DPP6: variants seen among roughly 807,000 people sequenced by gnomAD.
DPP6 encodes A-type potassium channel modulatory protein DPP6.
Under a neutral mutation model 122.6 loss-of-function variants are expected in DPP6, and 69 were observed. That is an observed-to-expected ratio of 0.56 (90% confidence interval 0.46 to 0.69). The LOEUF is 0.69. Among genes scored for constraint, DPP6 ranks in the 30% least tolerant of loss-of-function variants. The pLI, the probability that DPP6 is intolerant of heterozygous loss-of-function variation, is 0.00. For missense variants in DPP6, 928 were observed against 1,116.9 expected, an observed-to-expected ratio of 0.83 and a Z score of 2.41; for synonymous variants, 418 against 433.1, an observed-to-expected ratio of 0.97 and a Z score of 0.43.
intron 6 of DPP6, among the ~76,000 whole-genome samples, chr7:154,641,684 T>A (rs926646297): frequency 6.6e-6 from 1 of 152,230 alleles, no homozygotes; most frequent in Non-Finnish European, 1.5e-5. Context: ...AATAATATAT[T>A]TCTAAAATGT....
intron 1 of DPP6, among the ~76,000 whole-genome samples, chr7:154,023,317 T>TGCACGCACAC (rs3059905): frequency 6.6e-4 from 27 of 40,976 alleles, no homozygotes; most frequent in South Asian, 3.5e-3. Flanking sequence ...GTTTCTTGTC[T>TGCACGCACAC]GCACACACAC....
chr7:154,318,864 C>A (rs2151013638), intron 1 of DPP6, among the ~76,000 whole-genome samples: 1 of 152,276 alleles, frequency 6.6e-6, no homozygotes. Context: ...GAGAACCTGG[C>A]CATTCGAGGG....
At chr7:154,535,278 A>G (rs1828147582) in intron 3 of DPP6, among the ~76,000 whole-genome samples, 1 of 152,222 alleles carries the variant, frequency 6.6e-6, no homozygotes, top group African/African-American at 2.4e-5. Context: ...TCTAAAAGAA[A>G]ACATGAGATA....
intron 1 of DPP6, among the ~76,000 whole-genome samples, chr7:154,193,455 C>T (rs1412891083): frequency 6.6e-6 from 1 of 152,094 alleles, no homozygotes; most frequent in Non-Finnish European, 1.5e-5. Context: ...TTTATGGAAG[C>T]CTGGAATGAT....
At chr7:154,811,313 G>A (rs6979278) in intron 16 of DPP6, among the ~76,000 whole-genome samples, 152,360 of 152,360 alleles carry the variant, frequency 1, 76,180 homozygotes, top group Non-Finnish European at 1. Flanking sequence ...TAACTGACCT[G>A]GCAGACCCTG....
chr7:154,769,355 G>A lies in DPP6; in HGVS notation c.884-62G>A, dbSNP rs1796095415. 4.4e-6 allele frequency: 7 copies of A among 1,601,666 alleles called. No homozygotes were observed. The South Asian group carries it at 5.5e-5, about 13-fold the overall frequency. On this transcript the variant is annotated intron_variant, in intron 8 of 25. Coordinates refer to ENST00000377770, the MANE Select transcript of DPP6 (RefSeq NM_130797.4). ...TCCTGGCCACCTCATGTTCCTGCTG[G>A]TGCAGCTCCAATTTCCACTCACTTG...
intron 10 of DPP6, among the ~76,000 whole-genome samples, chr7:154,778,986 A>G (rs1239406927): frequency 2.1e-5 from 3 of 140,634 alleles, no homozygotes; most frequent in Admixed American, 7.0e-5. Context: ...CATCACCTCC[A>G]TCACCTCCAC....
chr7:153,766,473 G>A, the DPP6 span, among the ~76,000 whole-genome samples: 1 of 152,024 alleles, frequency 6.6e-6, no homozygotes, highest in South Asian at 2.1e-4. Flanking sequence ...GTTTTTGTTT[G>A]TGCCTGTATT....
At chr7:154,316,556 G>C (rs147208425) in intron 1 of DPP6, among the ~76,000 whole-genome samples, 2 of 152,290 alleles carry the variant, frequency 1.3e-5, no homozygotes, top group Non-Finnish European at 2.9e-5. Context: ...AAGCAGACTT[G>C]AACAATTGGG....
At chr7:154,433,333 TTG>T (rs71843541) in intron 1 of DPP6, among the ~76,000 whole-genome samples, 100,164 of 142,164 alleles carry the variant, frequency 0.7, 34,166 homozygotes, top group East Asian at 0.79. Flanking sequence ...TGCATTTTTT[TTG>T]TTTTTGTTTT....
intron 8 of DPP6, among the ~76,000 whole-genome samples, chr7:154,729,443 T>A (rs1287689996): frequency 6.6e-6 from 1 of 152,250 alleles, no homozygotes; most frequent in Non-Finnish European, 1.5e-5. Flanking sequence ...CATAAAGTTC[T>A]ATGACTTGAT....
intron 4 of DPP6, among the ~76,000 whole-genome samples, chr7:154,555,484 G>T (rs916266018): frequency 2.0e-5 from 3 of 151,928 alleles, no homozygotes; most frequent in Non-Finnish European, 4.4e-5. Context: ...GGGAAGGGGG[G>T]ACGGATAGCA....
intron 1 of DPP6, among the ~76,000 whole-genome samples, chr7:154,385,711 T>G (rs1814047624): frequency 1.3e-5 from 2 of 152,220 alleles, no homozygotes; most frequent in African/African-American, 4.8e-5. Context: ...TGATGGCACC[T>G]GTGTACGGAT....
intron 21 of DPP6, chr7:154,884,604 CG>C (rs1563325740): frequency 3.3e-5 from 5 of 151,950 alleles, no homozygotes; most frequent in East Asian, 1.9e-4. Context: ...CATACATACA[CG>C]ATTACATACA....
At chr7:154,473,226 A>G (rs886703862) in intron 2 of DPP6, among the ~76,000 whole-genome samples, 5 of 152,206 alleles carry the variant, frequency 3.3e-5, no homozygotes, top group African/African-American at 1.2e-4. Context: ...GTAATTTTTA[A>G]AATTCTCATT....
chr7:153,831,226 A>G, the DPP6 span, among the ~76,000 whole-genome samples: 8 of 152,242 alleles, frequency 5.3e-5, no homozygotes, highest in African/African-American at 1.4e-4. Flanking sequence ...CAAAATTACA[A>G]CAATAACAGT....
rs114689046 is a variant in DPP6 at position 154,812,922 on chromosome 7, G to C, written c.1666+5810G>C. 3.3e-5 allele frequency among the ~76,000 whole-genome samples: 5 copies of C among 151,874 alleles called. No individual in the cohort carries two copies. The East Asian group carries it at 9.7e-4, about 29-fold the overall frequency. On this transcript the variant is annotated intron_variant, in intron 16 of 25. Coordinates refer to ENST00000377770, the MANE Select transcript of DPP6 (RefSeq NM_130797.4). ...AATTTTTCATTAACATTTCTTCAGC[G>C]GCTTCTCAATATTTGACATTTGTAT...
chr7:154,834,340 G>A (rs186162686), intron 16 of DPP6, among the ~76,000 whole-genome samples: 13 of 150,178 alleles, frequency 8.7e-5, no homozygotes, highest in African/African-American at 3.2e-4. Context: ...GCCAGTTGTG[G>A]TGGTGCGTGC....
intron 1 of DPP6, among the ~76,000 whole-genome samples, chr7:153,975,654 T>C (rs2628916): frequency 3.5e-4 from 54 of 152,200 alleles, no homozygotes; most frequent in East Asian, 1.4e-3. Flanking sequence ...AAAATAAGAA[T>C]GTTATTACTT....
Sources: gnomAD v4.1 joint callset for allele counts (sites outside exome capture counted in the v4.1 genomes callset) on GRCh38, gnomAD v4.1.1 for gene constraint, MANE v1.5 for transcripts, NCBI Gene and HGNC (gene_info 2026-07-23, HGNC 2026-07-21) for gene names.